Variants in SYT2 observed in about 807,000 individuals in gnomAD.
The protein encoded by SYT2 is synaptotagmin 2.
SYT2 carries 15 observed loss-of-function variants against 39.9 expected under a neutral mutation model. The observed-to-expected ratio is 0.38, with a 90% CI of 0.25 to 0.58. The LOEUF is 0.58. SYT2 is among the 20% of genes least tolerant of loss of function. The pLI is 0.70. For missense variants in SYT2, 389 were observed against 530.3 expected, an observed-to-expected ratio of 0.73 and a Z score of 2.62; for synonymous variants, 181 against 204.5, an observed-to-expected ratio of 0.89 and a Z score of 0.98.
chr1:202,660,068 G>A (rs1692349497), intron 1 of SYT2, among the ~76,000 whole-genome samples: 1 of 152,152 alleles, frequency 6.6e-6, no homozygotes, highest in Non-Finnish European at 1.5e-5. Context: ...ACACAGGCTG[G>A]AGCAATGCCC....
chr1:202,621,969 A>G (rs952758533), intron 1 of SYT2, among the ~76,000 whole-genome samples: 8 of 152,182 alleles, frequency 5.3e-5, no homozygotes, highest in African/African-American at 1.9e-4. Context: ...ATCAACTGCC[A>G]CCCCAAACCA....
chr1:202,617,935 C>T (rs1182146140), intron 1 of SYT2, among the ~76,000 whole-genome samples: 3 of 152,106 alleles, frequency 2.0e-5, no homozygotes, highest in South Asian at 2.1e-4. Context: ...GATGGAGTCT[C>T]GCTGTCTGCC....
intron 1 of SYT2, chr1:202,627,395 A>C: frequency 1.0e-6 from 1 of 972,192 alleles, no homozygotes; most frequent in African/African-American, 1.8e-5. Context: ...AACTCTGGCA[A>C]CCTCCGTCCC....
chr1:202,691,435 C>A (rs1653813840), intron 1 of SYT2, among the ~76,000 whole-genome samples: 1 of 151,888 alleles, frequency 6.6e-6, no homozygotes, highest in African/African-American at 2.4e-5. Flanking sequence ...ATTGCTTGAG[C>A]CCAGGAGTTT....
intron 1 of SYT2, among the ~76,000 whole-genome samples, chr1:202,653,125 G>T (rs766562929): frequency 6.6e-6 from 1 of 151,840 alleles, no homozygotes; most frequent in African/African-American, 2.4e-5. Flanking sequence ...AGAAAATCTC[G>T]ATTGTCACTC....
chr1:202,611,361 T>C (rs1383214209), intron 1 of SYT2, among the ~76,000 whole-genome samples: 2 of 152,164 alleles, frequency 1.3e-5, no homozygotes, highest in East Asian at 3.9e-4. Context: ...TGTTTTTTTG[T>C]TGTTTTTGAG....
rs187514995 is a variant in SYT2, at chr1:202,605,439, C to G, written c.178+156G>C. The G allele has an allele frequency of 8.8e-4, 520 of 589,824 alleles. 3 individuals carry two copies. Among genetic ancestry groups the G allele is most frequent in the South Asian group, 2.0e-3 (59 of 29,192 alleles). 36.5% of individuals were successfully genotyped at this position (589,824 alleles called of 1,614,324 possible). Reference sequence around the variant, plus strand: ...CATTAGTGGCAGATCCTACTTCCCCCTCCCCGATTCCTGCAGGGGCTCTCC... The same window carrying G: ...CATTAGTGGCAGATCCTACTTCCCCGTCCCCGATTCCTGCAGGGGCTCTCC... On this transcript the variant is annotated intron_variant, in intron 2 of 8. Transcript: ENST00000367268.
chr1:202,625,898 G>A (rs1461442939), intron 1 of SYT2, among the ~76,000 whole-genome samples: 2 of 152,206 alleles, frequency 1.3e-5, no homozygotes, highest in East Asian at 3.8e-4. Flanking sequence ...GGTGACAGCA[G>A]CCAGTGCAAG....
intron 1 of SYT2, among the ~76,000 whole-genome samples, chr1:202,641,604 G>A (rs932267037): frequency 2.6e-5 from 4 of 152,326 alleles, no homozygotes; most frequent in African/African-American, 7.2e-5. Flanking sequence ...CATCCAAAAA[G>A]GAGTTAGATT....
At chr1:202,642,048 A>C (rs1224073434) in intron 1 of SYT2, among the ~76,000 whole-genome samples, 3 of 152,110 alleles carry the variant, frequency 2.0e-5, no homozygotes, top group Non-Finnish European at 4.4e-5. Context: ...CCCCACCCCC[A>C]TCCTTTCAGT....
In SYT2 at chr1:202,614,430, A is replaced by G. The variant is rs994528271; in HGVS notation, c.-17-8641T>C. ...CCTGCACTAGGATGGGAAGGTAAGG[A>G]ATGGAGTAGAGAGAACAGATGTGAG... On this transcript the variant is annotated intron_variant, in intron 1 of 8. Transcript: ENST00000367268. This position sits in a 1 kb window ranked among gnomAD's most constrained non-coding sequence, Gnocchi z 4.0. Among the ~76,000 whole-genome samples the G allele has an allele frequency of 2.6e-5, 4 of 152,222 alleles. No homozygotes were observed. Among genetic ancestry groups the G allele is most frequent in the Non-Finnish European group, 1.5e-5 (1 of 68,042 alleles).
intron 1 of SYT2, among the ~76,000 whole-genome samples, chr1:202,656,983 C>T (rs1692289702): frequency 6.6e-6 from 1 of 152,230 alleles, no homozygotes; most frequent in Non-Finnish European, 1.5e-5. Context: ...CCCTGGGTGC[C>T]TTTGTCTAAT....
chr1:202,652,882 C>T (rs1692217062), intron 1 of SYT2, among the ~76,000 whole-genome samples: 1 of 152,190 alleles, frequency 6.6e-6, no homozygotes, highest in African/African-American at 2.4e-5. Flanking sequence ...ACCAATTCAC[C>T]TAAGATAACC....
At chr1:202,637,701 G>A (rs1363704629) in intron 1 of SYT2, among the ~76,000 whole-genome samples, 1 of 152,262 alleles carries the variant, frequency 6.6e-6, no homozygotes, top group African/African-American at 2.4e-5. Flanking sequence ...TGCAGGGCTG[G>A]CTGGGCTGAG....
At chr1:202,603,389 A>G (rs991582951) in intron 3 of SYT2, among the ~76,000 whole-genome samples, 8 of 152,148 alleles carry the variant, frequency 5.3e-5, no homozygotes, top group Non-Finnish European at 5.9e-5. Flanking sequence ...ACACTGTGCT[A>G]TGGGACCAGG....
At chr1:202,619,715 G>C (rs1210709067) in intron 1 of SYT2, among the ~76,000 whole-genome samples, 4 of 152,204 alleles carry the variant, frequency 2.6e-5, no homozygotes, top group Non-Finnish European at 4.4e-5. Context: ...AGACTTGCCA[G>C]AGAGGTCAAA....
At chr1:202,672,161 A>G (rs1348989043) in intron 1 of SYT2, among the ~76,000 whole-genome samples, 1 of 152,268 alleles carries the variant, frequency 6.6e-6, no homozygotes, top group African/African-American at 2.4e-5. Flanking sequence ...AAAACGTGCC[A>G]CATGATAGTT....
At chr1:202,654,871 G>A (rs1388615078) in intron 1 of SYT2, among the ~76,000 whole-genome samples, 1 of 152,186 alleles carries the variant, frequency 6.6e-6, no homozygotes, top group Non-Finnish European at 1.5e-5. Flanking sequence ...CCAGGTGAGA[G>A]ATGCTAATGG....
chr1:202,691,684 GGGGAGA>G (rs1169874133), intron 1 of SYT2, among the ~76,000 whole-genome samples: 6,757 of 49,626 alleles, frequency 0.14, 1,335 homozygotes, highest in African/African-American at 0.27. Flanking sequence ...AGGGAGCGAG[GGGGAGA>G]GGGAGAGGGA....
Sources: gnomAD v4.1 joint callset for allele counts (sites outside exome capture counted in the v4.1 genomes callset) on GRCh38, gnomAD v4.1.1 for gene constraint, Gnocchi (gnomAD v3.1) non-coding constraint, MANE v1.5 for transcripts, NCBI Gene and HGNC (gene_info 2026-07-23, HGNC 2026-07-21) for gene names.